The following LINGO2 variants were observed in gnomAD, a reference collection of about 807,000 sequenced individuals.
LINGO2 encodes the protein leucine rich repeat and Ig domain containing 2, also known as leucine-rich repeat and immunoglobulin-like domain-containing nogo receptor-interacting protein 2.
In LINGO2, 14 loss-of-function variants were observed where a neutral mutation model predicts 30.6. The observed-to-expected ratio is 0.46, with a 90% CI of 0.30 to 0.72. The LOEUF is 0.72. LINGO2 is among the 30% of genes least tolerant of loss of function. The probability of loss-of-function intolerance (pLI) is 0.07; values close to 1 mark genes in which losing one functional copy is unlikely to be tolerated. For synonymous variants in LINGO2, 317 were observed against 288.5 expected (o/e 1.10, Z -1.00); for missense variants, 729 against 751.7 (o/e 0.97, Z 0.35).
the LINGO2 span, among the ~76,000 whole-genome samples, chr9:29,190,295 ATAAT>A: frequency 6.6e-6 from 1 of 152,204 alleles, no homozygotes; most frequent in East Asian, 1.9e-4. Flanking sequence ...TATGATTATA[ATAAT>A]TAAATATTTT....
chr9:28,838,672 T>C, the LINGO2 span, among the ~76,000 whole-genome samples: 1 of 152,222 alleles, frequency 6.6e-6, no homozygotes, highest in African/African-American at 2.4e-5. Context: ...ACAGGACATA[T>C]TCTCACAGGA....
chr9:27,946,756 A>C (rs2118220182), downstream of LINGO2, among the ~76,000 whole-genome samples: 1 of 152,268 alleles, frequency 6.6e-6, no homozygotes, highest in Admixed American at 6.5e-5. Flanking sequence ...CAAATGGAAA[A>C]TAAAATTCTA....
At chr9:28,724,209 G>A in the LINGO2 span, among the ~76,000 whole-genome samples, 1 of 152,040 alleles carries the variant, frequency 6.6e-6, no homozygotes, top group Non-Finnish European at 1.5e-5. Context: ...ACTGTTTCTT[G>A]AGTTCTTATT....
chr9:28,839,505 G>C, the LINGO2 span, among the ~76,000 whole-genome samples: 1 of 152,014 alleles, frequency 6.6e-6, no homozygotes, highest in Admixed American at 6.5e-5. Flanking sequence ...GACCAGGAGT[G>C]GGTAGCTCCT....
intron 2 of LINGO2, among the ~76,000 whole-genome samples, chr9:28,403,964 G>GCTTT (rs1467804508): frequency 1.3e-5 from 2 of 151,892 alleles, no homozygotes; most frequent in Non-Finnish European, 2.9e-5. Context: ...TAGTCTCTCT[G>GCTTT]CTTTCTTTAA....
intron 1 of LINGO2, among the ~76,000 whole-genome samples, chr9:28,609,090 A>G (rs1383275374): frequency 6.6e-6 from 1 of 151,904 alleles, no homozygotes; most frequent in Non-Finnish European, 1.5e-5. Flanking sequence ...TGTGAAATCT[A>G]GAACATATGC....
the LINGO2 span, among the ~76,000 whole-genome samples, chr9:29,079,089 A>G: frequency 6.6e-6 from 1 of 151,954 alleles, no homozygotes; most frequent in Non-Finnish European, 1.5e-5. Flanking sequence ...AAACCAGTAC[A>G]TGATTCCGTC....
chr9:28,893,048 T>C, the LINGO2 span, among the ~76,000 whole-genome samples: 2 of 152,032 alleles, frequency 1.3e-5, no homozygotes, highest in South Asian at 4.1e-4. Flanking sequence ...ACATGCTTGA[T>C]GCTTAAAGAT....
intron 1 of LINGO2, among the ~76,000 whole-genome samples, chr9:28,561,965 A>G (rs978073577): frequency 6.6e-6 from 1 of 151,450 alleles, no homozygotes; most frequent in African/African-American, 2.4e-5. Context: ...CTGAACTTCT[A>G]TTTTTTAAAC....
intron 4 of LINGO2, among the ~76,000 whole-genome samples, chr9:28,028,305 A>G (rs1823484329): frequency 6.6e-6 from 1 of 152,180 alleles, no homozygotes; most frequent in South Asian, 2.1e-4. Flanking sequence ...CATCATATAA[A>G]ATCTTTATTT....
At chr9:28,101,721 T>A (rs1218812733) in intron 4 of LINGO2, among the ~76,000 whole-genome samples, 1 of 152,188 alleles carries the variant, frequency 6.6e-6, no homozygotes, top group Non-Finnish European at 1.5e-5. Context: ...TGGTTACTAC[T>A]GTATGGGCTA....
the LINGO2 span, among the ~76,000 whole-genome samples, chr9:28,873,661 T>C: frequency 6.6e-6 from 1 of 152,054 alleles, no homozygotes; most frequent in Non-Finnish European, 1.5e-5. Flanking sequence ...GATGTCAGTT[T>C]TTATTTTAAT....
At chr9:28,498,379 C>T (rs371649635) in intron 1 of LINGO2, among the ~76,000 whole-genome samples, 6 of 152,130 alleles carry the variant, frequency 3.9e-5, no homozygotes, top group African/African-American at 1.2e-4. Context: ...CCGCTAGCCT[C>T]GCTGCTGCCT....
At chr9:28,217,089 T>A (rs181596856) in intron 4 of LINGO2, among the ~76,000 whole-genome samples, 2 of 150,644 alleles carry the variant, frequency 1.3e-5, no homozygotes, top group Non-Finnish European at 3.0e-5. Context: ...AATAAATTCA[T>A]GATAAAATAT....
At chr9:28,557,251 A>C (rs1322287263) in intron 1 of LINGO2, among the ~76,000 whole-genome samples, 2 of 152,004 alleles carry the variant, frequency 1.3e-5, no homozygotes, top group African/African-American at 2.4e-5. Flanking sequence ...TACTCATCTG[A>C]CAAAGGGCTA....
the LINGO2 span, among the ~76,000 whole-genome samples, chr9:28,887,071 G>A: frequency 2.0e-5 from 3 of 152,062 alleles, no homozygotes; most frequent in Non-Finnish European, 4.4e-5. Flanking sequence ...GATTTCCAAC[G>A]AGTGAGGCAG....
At chr9:28,356,060 A>T (rs1820196549) in intron 3 of LINGO2, among the ~76,000 whole-genome samples, 1 of 152,192 alleles carries the variant, frequency 6.6e-6, no homozygotes, top group Non-Finnish European at 1.5e-5. Context: ...TGATCTAGAA[A>T]TAGATTATGG....
intron 4 of LINGO2, among the ~76,000 whole-genome samples, chr9:28,062,622 ATT>A (rs1481723928): frequency 1.4e-5 from 2 of 147,900 alleles, no homozygotes; most frequent in African/African-American, 4.9e-5. Context: ...AAATATATAT[ATT>A]TTGTATATAT....
the LINGO2 span, among the ~76,000 whole-genome samples, chr9:28,996,934 T>A: frequency 6.6e-6 from 1 of 152,178 alleles, no homozygotes; most frequent in African/African-American, 2.4e-5. Context: ...AGGGACATTG[T>A]ATGTGTGTGT....
Sources: gnomAD v4.1 joint callset for allele counts (sites outside exome capture counted in the v4.1 genomes callset) on GRCh38, gnomAD v4.1.1 for gene constraint, MANE v1.5 for transcripts, NCBI Gene and HGNC (gene_info 2026-07-23, HGNC 2026-07-21) for gene names.